VEZT: variants seen among roughly 807,000 people sequenced by gnomAD.
The protein encoded by VEZT is vezatin, adherens junctions transmembrane protein.
VEZT carries 39 observed loss-of-function variants against 79.9 expected under a neutral mutation model. The observed-to-expected ratio is 0.49, with a 90% CI of 0.38 to 0.64. VEZT has a LOEUF of 0.64. Among genes scored for constraint, VEZT ranks in the 30% least tolerant of loss-of-function variants. The pLI is 0.00. For missense variants in VEZT, 837 were observed against 893.1 expected (o/e 0.94, Z 0.80); for synonymous variants, 325 against 327.6 (o/e 0.99, Z 0.09).
chr12:95,250,017 C>CT (rs72170059), intron 1 of VEZT, among the ~76,000 whole-genome samples: 18,261 of 141,928 alleles, frequency 0.13, 1,237 homozygotes, highest in Middle Eastern at 0.24. Flanking sequence ...CTGTGTTGCT[C>CT]TTTTTTTTTT....
At chr12:95,281,568 T>A (rs1283491802) in intron 7 of VEZT, among the ~76,000 whole-genome samples, 1 of 146,784 alleles carries the variant, frequency 6.8e-6, no homozygotes, top group African/African-American at 2.5e-5. Flanking sequence ...TTTTTTTGGA[T>A]GGAGTCTTGC....
chr12:95,234,521 C>G (rs372735540), intron 1 of VEZT, among the ~76,000 whole-genome samples: 1 of 151,998 alleles, frequency 6.6e-6, no homozygotes, highest in Non-Finnish European at 1.5e-5. Flanking sequence ...TCTTGAACAC[C>G]TAACCCCAGG....
chr12:95,228,729 T>TA (rs2058833665), intron 1 of VEZT, among the ~76,000 whole-genome samples: 1 of 152,146 alleles, frequency 6.6e-6, no homozygotes, highest in South Asian at 2.1e-4. Flanking sequence ...TCTAGCCAGA[T>TA]ATGGTAGTTC....
chr12:95,235,939 A>G (rs1165703953), intron 1 of VEZT, among the ~76,000 whole-genome samples: 3 of 138,350 alleles, frequency 2.2e-5, no homozygotes, highest in African/African-American at 8.3e-5. Context: ...CCTAGATGGG[A>G]TGGCGGCCGG....
intron 7 of VEZT, among the ~76,000 whole-genome samples, chr12:95,278,820 G>A (rs145967059): frequency 8.7e-4 from 132 of 152,336 alleles, no homozygotes; most frequent in African/African-American, 3.0e-3. Context: ...TGTAATCCCA[G>A]CACTCTGGGA....
chr12:95,254,111 C>A (rs568350896), intron 2 of VEZT, among the ~76,000 whole-genome samples: 21 of 151,974 alleles, frequency 1.4e-4, no homozygotes, highest in African/African-American at 5.1e-4. Flanking sequence ...CTCCCAAGTA[C>A]CTGGGACCAC....
At chr12:95,279,627 C>A (rs1183723758) in intron 7 of VEZT, among the ~76,000 whole-genome samples, 1 of 152,184 alleles carries the variant, frequency 6.6e-6, no homozygotes, top group Non-Finnish European at 1.5e-5. Context: ...AGGTCTTGCT[C>A]AGTCACACAG....
chr12:95,241,097 G>T (rs1485771731), intron 1 of VEZT, among the ~76,000 whole-genome samples: 1 of 151,944 alleles, frequency 6.6e-6, no homozygotes, highest in African/African-American at 2.4e-5. Flanking sequence ...GTGCAGTGGC[G>T]CTATCTCAGC....
rs2074163644 is a variant in VEZT at position 95,296,483 on chromosome 12, T to G, written c.1831+225T>G. On this transcript the variant is annotated intron_variant, in intron 11 of 11. Coordinates refer to ENST00000436874, the MANE Select transcript of VEZT (RefSeq NM_017599.4). ...ATACTTTTTTATGAGTTATTTAATT[T>G]TTTAGTAAATTTGTTTTAGAATGGG... The G allele has an allele frequency of 1.5e-5, 5 of 332,722 alleles. No homozygotes were observed. In the Admixed American group the frequency reaches 2.4e-4, roughly 16 times the overall value. The allele number at this position is 332,722 out of a possible 1,614,324, so 20.6% of individuals were successfully genotyped here. A position where few individuals can be genotyped will look rare whatever the true frequency, so the allele number is the denominator to read the frequency against.
At chr12:95,220,315 C>T (rs773710837) in intron 1 of VEZT, among the ~76,000 whole-genome samples, 3 of 152,056 alleles carry the variant, frequency 2.0e-5, no homozygotes, top group Non-Finnish European at 2.9e-5. Context: ...ATTATTTGGG[C>T]GTGGTGGCAC....
chr12:95,225,859 G>T (rs1025813102), intron 1 of VEZT, among the ~76,000 whole-genome samples: 13 of 151,240 alleles, frequency 8.6e-5, no homozygotes, highest in Non-Finnish European at 1.8e-4. Flanking sequence ...AAGGCCAGCA[G>T]TGGGGGGATC....
intron 6 of VEZT, among the ~76,000 whole-genome samples, chr12:95,271,432 A>C (rs2066574003): frequency 6.6e-6 from 1 of 152,196 alleles, no homozygotes; most frequent in Non-Finnish European, 1.5e-5. Context: ...GTGCCTTCCA[A>C]CATAGCAGGG....
intron 6 of VEZT, among the ~76,000 whole-genome samples, chr12:95,270,655 C>T (rs2066407286): frequency 6.6e-6 from 1 of 152,170 alleles, no homozygotes; most frequent in Non-Finnish European, 1.5e-5. Context: ...GTTTCTTAAC[C>T]TCTCTATACC....
chr12:95,247,011 A>C (rs911437981), intron 1 of VEZT, among the ~76,000 whole-genome samples: 5 of 152,212 alleles, frequency 3.3e-5, no homozygotes, highest in African/African-American at 1.2e-4. Context: ...CTAATATCCC[A>C]AAACCTCTAA....
chr12:95,265,099 G>A (rs2065281091), intron 4 of VEZT, among the ~76,000 whole-genome samples: 1 of 151,956 alleles, frequency 6.6e-6, no homozygotes, highest in African/African-American at 2.4e-5. Context: ...GGGCTCAAGT[G>A]GTCCTCCCAC....
intron 1 of VEZT, among the ~76,000 whole-genome samples, chr12:95,237,910 C>A (rs564616566): frequency 3.3e-5 from 5 of 152,036 alleles, no homozygotes; most frequent in African/African-American, 1.2e-4. Flanking sequence ...AATGTTCTCA[C>A]GAGAAAAAAG....
intron 1 of VEZT, among the ~76,000 whole-genome samples, chr12:95,230,690 A>G (rs2059159700): frequency 6.6e-6 from 1 of 152,134 alleles, no homozygotes. Context: ...CTCACATCCA[A>G]CATTTTGCCA....
chr12:95,302,077 A>C lies in VEZT; in HGVS notation c.*1404A>C, dbSNP rs1365516760. 1 of 152,184 alleles carries C rather than the reference A, an allele frequency of 6.6e-6. No individual in the cohort carries two copies. The highest frequency in any genetic ancestry group is 1.5e-5 in the Non-Finnish European group (1 of 68,024). 9.4% of individuals were successfully genotyped at this position (152,184 alleles called of 1,614,324 possible). A position where few individuals can be genotyped will look rare whatever the true frequency, so the allele number is the denominator to read the frequency against. On this transcript the variant is annotated 3_prime_UTR_variant, in exon 12 of 12. Transcript: ENST00000436874. ...TTGCTTTACTACTTAGAAATAGCTA[A>C]ATTTCAATTTTAAAAATCTTTGTGT...
In VEZT at chr12:95,270,187, A is replaced by G; in HGVS notation, c.847A>G (p.Asn283Asp). The G allele has an allele frequency of 1.9e-6, 3 of 1,598,270 alleles. No individual in the cohort carries two copies. Among genetic ancestry groups the G allele is most frequent in the Non-Finnish European group, 2.6e-6 (3 of 1,173,026 alleles). ...ARLATLYMLK[N>D]YPLNSESDNV... is the part of the protein sequence containing the mutation. ...GCTAGCTACCCTATATATGCTGAAAAAATATCCTTTTCTGTTTATATATGA... is the reference window on the plus strand; with the variant it reads ...GCTAGCTACCCTATATATGCTGAAAGAATATCCTTTTCTGTTTATATATGA... Residue 283 changes from asparagine to aspartate, a missense_variant and splice_region_variant, in exon 6 of 12, where the codon AAC becomes GAC. By Grantham distance (23) the Asn-to-Asp change is conservative. Coordinates refer to ENST00000436874, the MANE Select transcript of VEZT (RefSeq NM_017599.4).
Sources: gnomAD v4.1 joint callset for allele counts (sites outside exome capture counted in the v4.1 genomes callset) on GRCh38, gnomAD v4.1.1 for gene constraint, MANE v1.5 for transcripts, NCBI Gene and HGNC (gene_info 2026-07-23, HGNC 2026-07-21) for gene names.